The following YWHAE variants were observed in gnomAD, a reference collection of about 807,000 sequenced individuals.
YWHAE encodes the protein 14-3-3 protein epsilon.
In YWHAE, 4 loss-of-function variants were observed where a neutral mutation model predicts 30.1. The observed-to-expected ratio is 0.13, with a 90% CI of 0.07 to 0.30. The LOEUF is 0.30. Among genes scored for constraint, YWHAE ranks in the 10% least tolerant of loss-of-function variants. YWHAE has a pLI of 1.00. For synonymous variants in YWHAE, 118 were observed against 111.8 expected (o/e 1.06, Z -0.35); for missense variants, 121 against 315.9 (o/e 0.38, Z 4.68).
At chr17:1,362,747 G>A (rs1020133147) in intron 2 of YWHAE, among the ~76,000 whole-genome samples, 2 of 151,934 alleles carry the variant, frequency 1.3e-5, no homozygotes, top group African/African-American at 2.4e-5. Context: ...TGGAACCTCC[G>A]TTTCACTGCA....
intron 1 of YWHAE, among the ~76,000 whole-genome samples, chr17:1,379,222 C>G (rs376510388): frequency 3.3e-5 from 5 of 152,204 alleles, no homozygotes; most frequent in African/African-American, 7.2e-5. Context: ...CATGGCCTCA[C>G]GCCTGTAATC....
intron 2 of YWHAE, among the ~76,000 whole-genome samples, chr17:1,364,589 A>G (rs1454376314): frequency 6.6e-6 from 1 of 152,126 alleles, no homozygotes; most frequent in East Asian, 1.9e-4. Context: ...GTTCCCCCTT[A>G]TCCAAGAGGG....
chr17:1,345,577 C>T (rs2072503224), intron 5 of YWHAE, 78 bp from the exon 6 acceptor site: 1 of 1,476,094 alleles, frequency 6.8e-7, no homozygotes, highest in Non-Finnish European at 9.4e-7. Flanking sequence ...AGGTGTCATT[C>T]CAAGCATAAA....
intron 1 of YWHAE, among the ~76,000 whole-genome samples, chr17:1,392,922 G>T (rs1180757972): frequency 6.6e-6 from 1 of 151,856 alleles, no homozygotes; most frequent in Non-Finnish European, 1.5e-5. Flanking sequence ...GACAAAGGTG[G>T]CCGGGGGTGG....
chr17:1,361,754 C>A, intron 3 of YWHAE, 148 bp downstream of exon 3: 1 of 562,218 alleles, frequency 1.8e-6, no homozygotes, highest in Non-Finnish European at 3.1e-6. Flanking sequence ...CATAATAGCC[C>A]AACCACCTTT....
rs1259325476 is a variant in YWHAE at position 1,361,193 on chromosome 17, T to A, written c.477A>T (p.Ala159=). 6.2e-7 allele frequency: 1 copy of A among 1,614,068 alleles called. No individual in the cohort carries two copies. Among genetic ancestry groups the A allele is most frequent in the East Asian group, 2.2e-5 (1 of 44,876 alleles). ...LVAYKAASDI[A]MTELPPTHPI... ...GATGCGTTGGTGGAAGTTCTGTCATTGCAATATCACTAGCAGCTTTATAAG... is the reference window on the plus strand; with the variant it reads ...GATGCGTTGGTGGAAGTTCTGTCATAGCAATATCACTAGCAGCTTTATAAG... Residue 159 remains alanine (A), a synonymous_variant, in exon 4 of 6, where the codon GCA becomes GCT. Coordinates refer to ENST00000264335, the MANE Select transcript of YWHAE (RefSeq NM_006761.5).
intron 1 of YWHAE, among the ~76,000 whole-genome samples, chr17:1,396,504 A>C (rs1352018415): frequency 6.6e-6 from 1 of 152,188 alleles, no homozygotes; most frequent in African/African-American, 2.4e-5. Flanking sequence ...TCAAAACTTC[A>C]TCCTACCTTC....
At chr17:1,363,512 G>A (rs906730071) in intron 2 of YWHAE, among the ~76,000 whole-genome samples, 1 of 151,964 alleles carries the variant, frequency 6.6e-6, no homozygotes, top group Non-Finnish European at 1.5e-5. Context: ...GTACCTGCCC[G>A]CCTTGGCCTC....
intron 5 of YWHAE, among the ~76,000 whole-genome samples, chr17:1,353,221 A>G (rs1336061129): frequency 1.4e-5 from 2 of 146,938 alleles, no homozygotes; most frequent in African/African-American, 2.5e-5. Context: ...GGTGGATCAC[A>G]AGGTTAGGAG....
rs139694546 is a variant in YWHAE, at chr17:1,370,976, G to A, written c.65-5918C>T. On this transcript the variant is annotated intron_variant, in intron 1 of 5. Transcript: ENST00000264335. The stretch of plus-strand genomic sequence containing the variant: ...ATAGTGCCACTGCACTCCAGCCTGG[G>A]CGACACAGCGAGACTCCTTCTCAAA... 8.4e-3 allele frequency among the ~76,000 whole-genome samples: 1,282 copies of A among 152,142 alleles called. 5 individuals are homozygous for A. The highest frequency in any genetic ancestry group is 0.013 in the Non-Finnish European group (871 of 67,984).
chr17:1,352,847 G>C (rs2072658521), intron 5 of YWHAE, among the ~76,000 whole-genome samples: 1 of 152,060 alleles, frequency 6.6e-6, no homozygotes, highest in South Asian at 2.1e-4. Context: ...CATTCTTAAA[G>C]GAACCGCAGC....
intron 3 of YWHAE, 102 bp from the exon 4 acceptor site, chr17:1,361,400 AAAAATATAT>A (rs1396085692): frequency 2.2e-6 from 2 of 900,370 alleles, no homozygotes; most frequent in African/African-American, 3.4e-5. Context: ...AAAATGTGAC[AAAAATATAT>A]GTAACAATTA....
At chr17:1,375,421 A>T (rs1201709013) in intron 1 of YWHAE, among the ~76,000 whole-genome samples, 43 of 152,160 alleles carry the variant, frequency 2.8e-4, no homozygotes, top group Admixed American at 2.8e-3. Flanking sequence ...GTATTTTATC[A>T]GTGGGATGTG....
intron 1 of YWHAE, among the ~76,000 whole-genome samples, chr17:1,396,760 G>A (rs1223031015): frequency 1.3e-5 from 2 of 151,244 alleles, no homozygotes; most frequent in Non-Finnish European, 2.9e-5. Flanking sequence ...CAAGTAGCTG[G>A]GATTACAGGC....
chr17:1,345,596 T>C (rs1019723202), intron 5 of YWHAE, 97 bp from the exon 6 acceptor site: 2 of 1,295,040 alleles, frequency 1.5e-6, no homozygotes, highest in Non-Finnish European at 2.2e-6. Flanking sequence ...AAGACTCTTC[T>C]ACTTGCTACA....
intron 1 of YWHAE, among the ~76,000 whole-genome samples, chr17:1,366,911 C>A (rs1255328711): frequency 1.3e-5 from 2 of 151,936 alleles, no homozygotes; most frequent in African/African-American, 4.8e-5. Flanking sequence ...CACTGCATTC[C>A]AGCCTGGGTG....
intron 1 of YWHAE, among the ~76,000 whole-genome samples, chr17:1,379,410 A>G (rs2073171960): frequency 6.6e-6 from 1 of 152,186 alleles, no homozygotes. Flanking sequence ...AACTGAGCCC[A>G]GGAAGTCAAG....
Position 1,358,829 on chromosome 17 carries a change from TA to T in YWHAE, c.578+2262del, listed in dbSNP as rs35681702. Reference sequence around the variant, plus strand: ...TGGCCAGCAGAGCGAGACTCCATCTTAAAAAAAAAAAAAAAAAAGGGCTGGC... The same window carrying T: ...TGGCCAGCAGAGCGAGACTCCATCTTAAAAAAAAAAAAAAAAAGGGCTGGC... On this transcript the variant is annotated intron_variant, in intron 4 of 5. Transcript: ENST00000264335. 1.4e-3 allele frequency among the ~76,000 whole-genome samples: 157 copies of T among 111,334 alleles called. No individual in the cohort carries two copies. In the Middle Eastern group the frequency reaches 0.019, roughly 13 times the overall value. The allele number at this position is 111,334 out of a possible 152,430, so 73.0% of individuals were successfully genotyped here.
rs769662126 is a variant in YWHAE, at chr17:1,345,416, T to A, written c.*31A>T. On this transcript the variant is annotated 3_prime_UTR_variant, in exon 6 of 6. Transcript: ENST00000264335. The stretch of plus-strand genomic sequence containing the variant: ...GGGTGGGATGGGGAGGAGGGGGTGG[T>A]CAGAGATGGTTTCTCTTGTTGGCTT... 6.2e-7 allele frequency: 1 copy of A among 1,612,518 alleles called. No individual in the cohort carries two copies. Among genetic ancestry groups the A allele is most frequent in the Admixed American group, 1.7e-5 (1 of 59,926 alleles).
Sources: gnomAD v4.1 joint callset for allele counts (sites outside exome capture counted in the v4.1 genomes callset) on GRCh38, gnomAD v4.1.1 for gene constraint, MANE v1.5 for transcripts, NCBI Gene and HGNC (gene_info 2026-07-23, HGNC 2026-07-21) for gene names.